DCTD: variants seen among roughly 807,000 people sequenced by gnomAD.
DCTD encodes deoxycytidylate deaminase.
Under a neutral mutation model 21.0 loss-of-function variants are expected in DCTD, and 23 were observed. The ratio of observed to expected loss-of-function variants is 1.09; its 90% CI spans 0.79 to 1.55. The LOEUF (loss-of-function observed/expected upper bound fraction) is 1.55. DCTD is among the 40% of genes most tolerant of loss of function. The pLI is 0.00. For synonymous variants in DCTD, 71 were observed against 81.1 expected (o/e 0.88, Z 0.67); for missense variants, 224 against 230.0 (o/e 0.97, Z 0.17).
At chr4:182,906,655 G>A (rs1316635371) in intron 3 of DCTD, among the ~76,000 whole-genome samples, 1 of 152,230 alleles carries the variant, frequency 6.6e-6, no homozygotes, top group Non-Finnish European at 1.5e-5. Context: ...CCTAAAAAGT[G>A]ATAACTCACA....
At chr4:182,891,719 G>A (rs1449145450) in intron 5 of DCTD, among the ~76,000 whole-genome samples, 1 of 152,142 alleles carries the variant, frequency 6.6e-6, no homozygotes, top group African/African-American at 2.4e-5. Context: ...CTGAGTTCAC[G>A]AATTATTGGG....
intron 3 of DCTD, among the ~76,000 whole-genome samples, chr4:182,897,972 T>C (rs1735049365): frequency 6.6e-6 from 1 of 152,184 alleles, no homozygotes; most frequent in South Asian, 2.1e-4. Context: ...TGTACCTCCT[T>C]TTGGGCCTGT....
chr4:182,903,583 A>T (rs1433956134), intron 3 of DCTD, among the ~76,000 whole-genome samples: 3 of 152,144 alleles, frequency 2.0e-5, no homozygotes, highest in Non-Finnish European at 2.9e-5. Flanking sequence ...ATGACAGCGC[A>T]AAGGAATTCT....
chr4:182,914,333 C>A (rs980345526), intron 3 of DCTD, among the ~76,000 whole-genome samples: 1 of 152,216 alleles, frequency 6.6e-6, no homozygotes, highest in Non-Finnish European at 1.5e-5. Context: ...GGTCTGACCA[C>A]AGCCTACTGT....
At chr4:182,913,419 C>G (rs1348041098) in intron 3 of DCTD, among the ~76,000 whole-genome samples, 1 of 152,234 alleles carries the variant, frequency 6.6e-6, no homozygotes, top group Non-Finnish European at 1.5e-5. Flanking sequence ...CCAGGTACCT[C>G]TTAACTTTTT....
In DCTD at chr4:182,914,947, T is replaced by A. The variant is rs1446155672; in HGVS notation, c.220A>T (p.Lys74Ter). The change falls in exon 3 of 6, where the codon AAG becomes TAG. Residue 74 changes from lysine (K) to a stop codon, truncating the protein, a stop_gained. Transcript: ENST00000438320. LOFTEE classifies it high-confidence loss of function. The stretch of plus-strand genomic sequence containing the variant: ...CCGTACGGGTATTTGGTGTCCAGCT[T>A]ATTCTCTGCTGTCCTTCTCCAAGGC... ...VLPWRRTAEN[K>*]LDTKYPYVCH... is the part of the protein sequence containing the mutation. 1 of 1,614,202 alleles carries A rather than the reference T, an allele frequency of 6.2e-7. No individual in the cohort carries two copies. Among genetic ancestry groups the A allele is most frequent in the East Asian group, 2.2e-5 (1 of 44,884 alleles).
chr4:182,896,750 A>T (rs762767924), intron 3 of DCTD, among the ~76,000 whole-genome samples: 10 of 152,054 alleles, frequency 6.6e-5, no homozygotes, highest in Non-Finnish European at 1.5e-4. Flanking sequence ...ATTACATGTA[A>T]TTGTTTCTTT....
intron 3 of DCTD, among the ~76,000 whole-genome samples, chr4:182,903,761 G>A (rs1364230338): frequency 6.6e-6 from 1 of 152,038 alleles, no homozygotes; most frequent in African/African-American, 2.4e-5. Flanking sequence ...AATGCACTCA[G>A]GGGTCTTGGA....
chr4:182,891,546 A>C, intron 5 of DCTD, 69 bp from the exon 6 acceptor site: 1 of 1,114,542 alleles, frequency 9.0e-7, no homozygotes. Context: ...CTTTGGCTTA[A>C]CTCATATTTT....
chr4:182,910,369 C>T (rs115063887), intron 3 of DCTD, among the ~76,000 whole-genome samples: 2,295 of 152,216 alleles, frequency 0.015, 46 homozygotes, highest in African/African-American at 0.052. Flanking sequence ...AAATCGGTTA[C>T]GAAAACCCAA....
At chr4:182,894,980 G>A (rs1314455640) in intron 3 of DCTD, among the ~76,000 whole-genome samples, 2 of 152,342 alleles carry the variant, frequency 1.3e-5, no homozygotes, top group East Asian at 1.9e-4. Flanking sequence ...GAGGGCTAGG[G>A]GATTTTAAGA....
intron 3 of DCTD, among the ~76,000 whole-genome samples, chr4:182,904,484 G>C (rs760052674): frequency 7.9e-5 from 12 of 152,196 alleles, no homozygotes; most frequent in Non-Finnish European, 1.2e-4. Flanking sequence ...GTTTAGAGGG[G>C]AACCGGGCCT....
At chr4:182,907,452 A>G (rs1269199871) in intron 3 of DCTD, among the ~76,000 whole-genome samples, 2 of 151,944 alleles carry the variant, frequency 1.3e-5, no homozygotes, top group Non-Finnish European at 2.9e-5. Context: ...CTTTTTCTTT[A>G]TTGCTGTTAT....
At chr4:182,894,849 C>G (rs1579666771) in intron 3 of DCTD, among the ~76,000 whole-genome samples, 1 of 152,352 alleles carries the variant, frequency 6.6e-6, no homozygotes, top group East Asian at 1.9e-4. Flanking sequence ...AGTGCCTTCC[C>G]CACCCTAAGC....
At chr4:182,913,993 GT>G (rs964396208) in intron 3 of DCTD, among the ~76,000 whole-genome samples, 4 of 140,844 alleles carry the variant, frequency 2.8e-5, no homozygotes, top group Non-Finnish European at 5.0e-5. Flanking sequence ...TTTTTGTTTT[GT>G]TTTTTGTTTG....
intron 3 of DCTD, among the ~76,000 whole-genome samples, chr4:182,899,028 C>T (rs1364996012): frequency 6.6e-6 from 1 of 152,186 alleles, no homozygotes; most frequent in East Asian, 1.9e-4. Context: ...TGCTGGGTCA[C>T]CATATATCTG....
At position 182,900,400 on chromosome 4, in the gene DCTD, C is replaced by T. The variant is rs1735517674; in HGVS notation, c.245-5795G>A. 2.0e-5 allele frequency among the ~76,000 whole-genome samples: 3 copies of T among 152,096 alleles called. No homozygotes were observed. The South Asian group carries it at 6.2e-4, about 32-fold the overall frequency. Reference sequence around the variant, plus strand: ...TAAACATTCCACAGATATTTGACAGCAATAAATGAAGGAATAAATTTACCT... The same window carrying T: ...TAAACATTCCACAGATATTTGACAGTAATAAATGAAGGAATAAATTTACCT... On this transcript the variant is annotated intron_variant, in intron 3 of 5. Coordinates refer to ENST00000438320, the MANE Select transcript of DCTD (RefSeq NM_001921.3).
At chr4:182,917,609 A>G (rs574196647), upstream of DCTD, 1 of 175,214 alleles carries the variant, frequency 5.7e-6, no homozygotes, top group Non-Finnish European at 1.2e-5. This position sits in a 1 kb window ranked among gnomAD's most constrained non-coding sequence, Gnocchi z 4.9. Flanking sequence ...CCGAGCACAA[A>G]CTACTTCCCG....
At position 182,914,942 on chromosome 4, in the gene DCTD, C is replaced by T; in HGVS notation, c.225G>A (p.Leu75=). The T allele has an allele frequency of 6.2e-7, 1 of 1,614,164 alleles. No individual in the cohort carries two copies. Among genetic ancestry groups the T allele is most frequent in the Non-Finnish European group, 8.5e-7 (1 of 1,180,036 alleles). Residue 75 remains leucine (L), a synonymous_variant, in exon 3 of 6, where the codon CTG becomes CTA. Transcript: ENST00000438320. Reference sequence around the variant, plus strand: ...CCCTACCGTACGGGTATTTGGTGTCCAGCTTATTCTCTGCTGTCCTTCTCC... The same window carrying T: ...CCCTACCGTACGGGTATTTGGTGTCTAGCTTATTCTCTGCTGTCCTTCTCC... ...LPWRRTAENK[L]DTKYPYVCHA...
Sources: allele counts gnomAD v4.1 joint callset (sites outside exome capture counted in the v4.1 genomes callset), GRCh38; gene constraint gnomAD v4.1.1; non-coding constraint Gnocchi (gnomAD v3.1); transcripts MANE v1.5; gene names NCBI Gene and HGNC (gene_info 2026-07-23, HGNC 2026-07-21).